ELP2: variants seen among roughly 807,000 people sequenced by gnomAD.
The protein encoded by ELP2 is elongator complex protein 2.
Under a neutral mutation model 119.2 loss-of-function variants are expected in ELP2, and 90 were observed. The observed-to-expected ratio is 0.75, with a 90% CI of 0.64 to 0.90. The LOEUF is 0.90. Among genes scored for constraint, ELP2 ranks in the 40% least tolerant of loss-of-function variants. The probability of loss-of-function intolerance (pLI) is 0.00; values close to 1 mark genes in which losing one functional copy is unlikely to be tolerated. For synonymous variants in ELP2, 339 were observed against 331.0 expected, an observed-to-expected ratio of 1.02 and a Z score of -0.26; for missense variants, 921 against 967.8, an observed-to-expected ratio of 0.95 and a Z score of 0.64.
chr18:36,163,880 A>G (rs990971822), intron 17 of ELP2, among the ~76,000 whole-genome samples: 1 of 152,136 alleles, frequency 6.6e-6, no homozygotes, highest in African/African-American at 2.4e-5. Context: ...GGAAGTATAG[A>G]GTTATTTTGC....
At chr18:36,170,468 C>T (rs959558908) in intron 20 of ELP2, among the ~76,000 whole-genome samples, 1 of 151,962 alleles carries the variant, frequency 6.6e-6, no homozygotes, top group Admixed American at 6.6e-5. Flanking sequence ...TGCGCCGTCA[C>T]GCCTGGCTCC....
At chr18:36,131,145 G>T (rs2089607288) in intron 1 of ELP2, among the ~76,000 whole-genome samples, 1 of 152,254 alleles carries the variant, frequency 6.6e-6, no homozygotes. Flanking sequence ...CTGGACTCCA[G>T]CCTGGGCAAC....
At chr18:36,159,286 T>C (rs943680763) in intron 14 of ELP2, among the ~76,000 whole-genome samples, 26 of 152,236 alleles carry the variant, frequency 1.7e-4, no homozygotes, top group African/African-American at 6.0e-4. Context: ...CTAATTTTTG[T>C]ATTTTTAGTA....
intron 19 of ELP2, among the ~76,000 whole-genome samples, chr18:36,169,116 G>T (rs1427536964): frequency 8.6e-5 from 13 of 151,308 alleles, no homozygotes; most frequent in African/African-American, 2.9e-4. Context: ...AGTAGAAACG[G>T]GGTTTCACCA....
chr18:36,138,533 A>T, intron 4 of ELP2, 107 bp downstream of exon 4: 1 of 1,238,700 alleles, frequency 8.1e-7, no homozygotes, highest in Non-Finnish European at 1.1e-6. Flanking sequence ...AGCAACTTTA[A>T]AAATACTATA....
At chr18:36,131,535 G>T (rs2089627430) in intron 1 of ELP2, among the ~76,000 whole-genome samples, 1 of 152,230 alleles carries the variant, frequency 6.6e-6, no homozygotes, top group African/African-American at 2.4e-5. Context: ...GGAAGCAGGA[G>T]CCCGGGAGAG....
At chr18:36,169,384 A>G (rs1253572357) in intron 19 of ELP2, among the ~76,000 whole-genome samples, 1 of 115,420 alleles carries the variant, frequency 8.7e-6, no homozygotes, top group Non-Finnish European at 1.8e-5. Context: ...AAAGCTGATA[A>G]GTTCTTTTTT....
chr18:36,150,894 T>C (rs2090375217), intron 11 of ELP2, among the ~76,000 whole-genome samples: 1 of 152,086 alleles, frequency 6.6e-6, no homozygotes, highest in African/African-American at 2.4e-5. Flanking sequence ...TATTAACCCT[T>C]AGATTTTTAT....
intron 9 of ELP2, 47 bp from the exon 10 acceptor site, chr18:36,145,901 A>G (rs1567989523): frequency 1.4e-6 from 2 of 1,479,190 alleles, no homozygotes; most frequent in African/African-American, 1.4e-5. Context: ...TCATCTACAA[A>G]CATGATGATT....
At chr18:36,138,101 T>C (rs1183676949) in intron 3 of ELP2, 169 bp from the exon 4 acceptor site, 5 of 622,596 alleles carry the variant, frequency 8.0e-6, no homozygotes, top group South Asian at 1.9e-5. Context: ...TCACAGGGCA[T>C]GCACATTTTG....
Position 36,175,567 on chromosome 18 carries a change from A to G in ELP2, c.*926A>G, listed in dbSNP as rs1230231046. ...AGGAGGTAAAAAATAGAGTTCTGAA[A>G]CATTTGAATTTATGTGACAGCTGAA... On this transcript the variant is annotated 3_prime_UTR_variant, in exon 22 of 22. Transcript: ENST00000358232. 1 of 152,202 alleles carries G rather than the reference A, an allele frequency of 6.6e-6. No homozygotes were observed. The highest frequency in any genetic ancestry group is 2.4e-5 in the African/African-American group (1 of 41,438). The allele number at this position is 152,202 out of a possible 1,614,324, so 9.4% of individuals were successfully genotyped here.
At chr18:36,139,876 A>G (rs1411407458) in intron 5 of ELP2, 1 of 186,304 alleles carries the variant, frequency 5.4e-6, no homozygotes, top group African/African-American at 2.4e-5. Flanking sequence ...TTAGAGACAA[A>G]GTCTCATTCT....
rs1236999939 is a variant in ELP2, at chr18:36,158,854, A to G, written c.1484A>G (p.Glu495Gly). ...TTCTAGCAAGATAGTGATCTTCCAG[A>G]AGGAGCCACTGTCCCTGCATTGGGA... ...VLCNQDSDLP[E>G]GATVPALGLS... Residue 495 changes from glutamate (E) to glycine (G), a missense_variant, in exon 14 of 22, where the codon GAA (glutamate) becomes GGA (glycine). Coordinates refer to ENST00000358232, the MANE Select transcript of ELP2 (RefSeq NM_018255.4). 1.2e-6 allele frequency: 2 copies of G among 1,608,212 alleles called. No individual in the cohort carries two copies. Among genetic ancestry groups the G allele is most frequent in the Middle Eastern group, 3.3e-4 (2 of 6,048 alleles).
At position 36,146,305 on chromosome 18, in the gene ELP2, A is replaced by G. The variant is rs374946173; in HGVS notation, c.1049A>G (p.Asn350Ser). Residue 350 changes from asparagine (N) to serine (S), a missense_variant, in exon 11 of 22, where the codon AAT becomes AGT. By Grantham distance (46) the Asn-to-Ser change is conservative (BLOSUM62 1). Coordinates refer to ENST00000358232, the MANE Select transcript of ELP2 (RefSeq NM_018255.4). ...TTGGGATTTTATGATTGCCAGTTCA[A>G]TGAAGATGGCTCCATGATCATTGCT... Reference protein sequence around the residue: ...NTLGFYDCQFNEDGSMIIAHA... With the variant: ...NTLGFYDCQFSEDGSMIIAHA... The G allele has an allele frequency of 8.7e-6, 14 of 1,614,054 alleles. No homozygotes were observed. The highest frequency in any genetic ancestry group is 4.0e-5 in the African/African-American group (3 of 74,940).
chr18:36,160,905 A>G (rs748445090), intron 16 of ELP2, 27 bp from the exon 17 acceptor site: 1 of 1,469,866 alleles, frequency 6.8e-7, no homozygotes. Flanking sequence ...ATTTGCTAAT[A>G]GTACTTTTTT....
At chr18:36,143,015 T>C in intron 8 of ELP2, 49 bp downstream of exon 8, 2 of 1,419,538 alleles carry the variant, frequency 1.4e-6, no homozygotes, top group Non-Finnish European at 1.9e-6. Context: ...GGTCTCCTAG[T>C]TGGTTGATTT....
chr18:36,154,801 TGG>T, intron 11 of ELP2, 47 bp from the exon 12 acceptor site: 1 of 1,609,806 alleles, frequency 6.2e-7, no homozygotes, highest in Non-Finnish European at 8.5e-7. Context: ...TTTACTTTGG[TGG>T]TAGTCTTTGA....
intron 18 of ELP2, chr18:36,165,006 C>T (rs1229338837): frequency 1.4e-5 from 4 of 285,446 alleles, no homozygotes; most frequent in African/African-American, 8.9e-5. Context: ...GATAACTTAT[C>T]CTAAGCTAGG....
Position 36,153,906 on chromosome 18 carries a change from G to A in ELP2, c.1126-944G>A, listed in dbSNP as rs563835042. On this transcript the variant is annotated intron_variant, in intron 11 of 21. Transcript: ENST00000358232. Reference sequence around the variant, plus strand: ...CCACTACATTGTTACAGTCAAGGACGATTTTTTAAAAGCCAAACACTGCCC... The same window carrying A: ...CCACTACATTGTTACAGTCAAGGACAATTTTTTAAAAGCCAAACACTGCCC... 2.0e-3 allele frequency among the ~76,000 whole-genome samples: 306 copies of A among 151,852 alleles called. 1 individual carries two copies. Among genetic ancestry groups the A allele is most frequent in the African/African-American group, 7.2e-3 (296 of 41,374 alleles).
Sources: allele counts gnomAD v4.1 joint callset (sites outside exome capture counted in the v4.1 genomes callset), GRCh38; gene constraint gnomAD v4.1.1; transcripts MANE v1.5; gene names NCBI Gene and HGNC (gene_info 2026-07-23, HGNC 2026-07-21).